Variants in STK24 observed in about 807,000 individuals in gnomAD.
STK24 encodes serine/threonine-protein kinase 24.
Under a neutral mutation model 55.6 loss-of-function variants are expected in STK24, and 21 were observed. The ratio of observed to expected loss-of-function variants is 0.38; its 90% CI spans 0.27 to 0.54. The LOEUF (loss-of-function observed/expected upper bound fraction) is 0.54. Among genes scored for constraint, STK24 ranks in the 20% least tolerant of loss-of-function variants. STK24 has a pLI of 0.79. For synonymous variants in STK24, 200 were observed against 215.2 expected (o/e 0.93, Z 0.62); for missense variants, 383 against 538.4 (o/e 0.71, Z 2.86).
At chr13:98,500,547 C>T (rs1895413580) in intron 2 of STK24, among the ~76,000 whole-genome samples, 1 of 152,140 alleles carries the variant, frequency 6.6e-6, no homozygotes, top group Non-Finnish European at 1.5e-5. Context: ...CTCATGAGAC[C>T]AGGTGGCACC....
intron 1 of STK24, among the ~76,000 whole-genome samples, chr13:98,559,848 G>GAA (rs549972044): frequency 7.1e-6 from 1 of 140,146 alleles, no homozygotes. Flanking sequence ...TCACTGAAAG[G>GAA]AAAAAAAAAA....
rs575041896 is a variant in STK24 at position 98,547,561 on chromosome 13, T to G, written c.43-28088A>C. On this transcript the variant is annotated intron_variant, in intron 1 of 10. Transcript: ENST00000539966. ...AGACCCTATTTCTTTAAAACAAAAT[T>G]AATGACCAACTATGATAAAAAGTCA... Among the ~76,000 whole-genome samples, 4 of 152,214 alleles carry G rather than the reference T, an allele frequency of 2.6e-5. No homozygotes were observed. The South Asian group carries it at 6.2e-4, about 24-fold the overall frequency.
chr13:98,507,569 C>T (rs1349566117), intron 2 of STK24, among the ~76,000 whole-genome samples: 2 of 152,228 alleles, frequency 1.3e-5, no homozygotes, highest in East Asian at 1.9e-4. Flanking sequence ...GCTCTGATTT[C>T]TCTGACTTTA....
intron 2 of STK24, among the ~76,000 whole-genome samples, chr13:98,506,176 G>A (rs893250019): frequency 6.6e-6 from 1 of 152,110 alleles, no homozygotes; most frequent in African/African-American, 2.4e-5. Context: ...CTCCAGAAAC[G>A]ACTAGGAACT....
intron 1 of STK24, among the ~76,000 whole-genome samples, chr13:98,558,217 A>G (rs774779063): frequency 2.6e-5 from 4 of 152,182 alleles, no homozygotes; most frequent in Non-Finnish European, 4.4e-5. Flanking sequence ...TGCCTTACAC[A>G]TTGGCTGATA....
chr13:98,544,178 A>G (rs112560774), intron 1 of STK24, among the ~76,000 whole-genome samples: 1 of 152,226 alleles, frequency 6.6e-6, no homozygotes, highest in Non-Finnish European at 1.5e-5. Flanking sequence ...CAGATGACAA[A>G]GACTACCTGC....
intron 3 of STK24, among the ~76,000 whole-genome samples, chr13:98,476,269 A>T (rs1331664578): frequency 2.7e-4 from 37 of 135,944 alleles, no homozygotes; most frequent in Non-Finnish European, 4.8e-5. Context: ...AGAGTGGGGC[A>T]GTCAGTCACA....
In STK24 at chr13:98,510,711, C is replaced by T. The variant is rs145285026; in HGVS notation, c.273+8532G>A. Among the ~76,000 whole-genome samples, 69 of 152,192 alleles carry T rather than the reference C, an allele frequency of 4.5e-4. No individual in the cohort carries two copies. In the East Asian group the frequency reaches 9.8e-3, roughly 22 times the overall value. On this transcript the variant is annotated intron_variant, in intron 2 of 10. Transcript: ENST00000539966. ...ACACTTATATGAGGTGTCCAGAATA[C>T]GCAAATCTATAGAGACAGAAAGGAG...
At chr13:98,490,934 A>G (rs1386601394) in intron 2 of STK24, among the ~76,000 whole-genome samples, 1 of 152,064 alleles carries the variant, frequency 6.6e-6, no homozygotes, top group Admixed American at 6.5e-5. Flanking sequence ...GAGAGGCTAG[A>G]TGGAGAATGA....
intron 1 of STK24, among the ~76,000 whole-genome samples, chr13:98,539,655 A>G (rs1266456616): frequency 1.3e-5 from 2 of 152,216 alleles, no homozygotes; most frequent in African/African-American, 4.8e-5. Context: ...AGAATTTACT[A>G]GGTCCATAAT....
intron 1 of STK24, among the ~76,000 whole-genome samples, chr13:98,560,705 C>T (rs1032860969): frequency 6.6e-6 from 1 of 151,816 alleles, no homozygotes; most frequent in Non-Finnish European, 1.5e-5. Flanking sequence ...ATGGTGAAAC[C>T]CCGTCTCTAG....
At chr13:98,454,488 A>G (rs769218757) in intron 10 of STK24, 1 of 152,212 alleles carries the variant, frequency 6.6e-6, no homozygotes. Context: ...AAATGGTTAC[A>G]TAAGGTCCTC....
intron 3 of STK24, 26 bp from the exon 4 acceptor site, chr13:98,475,384 G>A: frequency 6.7e-7 from 1 of 1,497,162 alleles, no homozygotes; most frequent in Non-Finnish European, 9.2e-7. Flanking sequence ...AATTCTTAAA[G>A]TTACTTAAAT....
intron 1 of STK24, among the ~76,000 whole-genome samples, chr13:98,536,541 T>C (rs1171853799): frequency 6.6e-6 from 1 of 152,016 alleles, no homozygotes; most frequent in Non-Finnish European, 1.5e-5. Flanking sequence ...ACTGTTATTT[T>C]ACTTTTTGTA....
intron 1 of STK24, among the ~76,000 whole-genome samples, chr13:98,550,068 A>G (rs1369388841): frequency 6.6e-6 from 1 of 152,260 alleles, no homozygotes; most frequent in East Asian, 1.9e-4. Context: ...TCATTAATAC[A>G]CTTTATTTAT....
chr13:98,545,259 C>T (rs1896999449), intron 1 of STK24, among the ~76,000 whole-genome samples: 1 of 152,106 alleles, frequency 6.6e-6, no homozygotes, highest in South Asian at 2.1e-4. Context: ...CTGCACTGTC[C>T]CAGTTGTTAG....
At chr13:98,471,305 C>T (rs983889424) in intron 5 of STK24, among the ~76,000 whole-genome samples, 1 of 152,252 alleles carries the variant, frequency 6.6e-6, no homozygotes, top group Non-Finnish European at 1.5e-5. Context: ...AATGCATCAC[C>T]AGTTTCCACT....
At position 98,534,056 on chromosome 13, in the gene STK24, A is replaced by G. The variant is rs74606819; in HGVS notation, c.43-14583T>C. On this transcript the variant is annotated intron_variant, in intron 1 of 10. Transcript: ENST00000539966. ...GTGCTAGCGGGCACCCCGCTTGGTC[A>G]TCTCATCCACATCCTCCTCCAACCG... Among the ~76,000 whole-genome samples the G allele has an allele frequency of 9.7e-3, 1,482 of 152,320 alleles. 6 individuals carry two copies. The highest frequency in any genetic ancestry group is 0.014 in the Non-Finnish European group (951 of 68,022).
Position 98,555,014 on chromosome 13 carries a change from C to CAAA in STK24, c.42+21728_42+21730dup, listed in dbSNP as rs398024117. Among the ~76,000 whole-genome samples the CAAA allele has an allele frequency of 6.3e-3, 557 of 88,238 alleles. 3 individuals carry two copies. Among genetic ancestry groups the CAAA allele is most frequent in the Non-Finnish European group, 9.7e-3 (432 of 44,644 alleles). The allele number at this position is 88,238 out of a possible 152,430, so 57.9% of individuals were successfully genotyped here. On this transcript the variant is annotated intron_variant, in intron 1 of 10. Coordinates refer to ENST00000539966, the MANE Select transcript of STK24 (RefSeq NM_001032296.4). ...TGGGAGGCAGAGCGAGACTCCAACT[C>CAAA]AAAAAAAAAAAAAAAAAAAAGAAAG...
Sources: allele counts gnomAD v4.1 joint callset (sites outside exome capture counted in the v4.1 genomes callset), GRCh38; gene constraint gnomAD v4.1.1; transcripts MANE v1.5; gene names NCBI Gene and HGNC (gene_info 2026-07-23, HGNC 2026-07-21).